The following DACH1 variants were observed in gnomAD, a reference collection of about 807,000 sequenced individuals.
The protein encoded by DACH1 is dachshund homolog 1.
In DACH1, 12 loss-of-function variants were observed where a neutral mutation model predicts 54.2. The ratio of observed to expected loss-of-function variants is 0.22; its 90% CI spans 0.14 to 0.36. DACH1 has a LOEUF of 0.36. DACH1 is among the 10% of genes least tolerant of loss of function. The pLI is 1.00. For synonymous variants in DACH1, 386 were observed against 366.2 expected, an observed-to-expected ratio of 1.05 and a Z score of -0.62; for missense variants, 805 against 929.8, an observed-to-expected ratio of 0.87 and a Z score of 1.75.
Position 71,545,561 on chromosome 13 carries a change from G to A in DACH1, c.1570+11463C>T, listed in dbSNP as rs143729410. ...AGGGAGGGAAGGAGGGAGGGAGAGA[G>A]GGAGGAAAGGAAGGAAGGAAGGGAG... On this transcript the variant is annotated intron_variant, in intron 6 of 10. Coordinates refer to ENST00000613252, the MANE Select transcript of DACH1 (RefSeq NM_080759.6). Among the ~76,000 whole-genome samples, 374 of 150,958 alleles carry A rather than the reference G, an allele frequency of 2.5e-3. 2 individuals are homozygous for A. The highest frequency in any genetic ancestry group is 0.015 in the South Asian group (72 of 4,760).
intron 1 of DACH1, among the ~76,000 whole-genome samples, chr13:71,718,397 C>T (rs1183876005): frequency 6.6e-6 from 1 of 151,832 alleles, no homozygotes; most frequent in Non-Finnish European, 1.5e-5. Flanking sequence ...CCAGTCTGGG[C>T]AACATAGCGA....
chr13:71,737,895 T>A (rs1341890871), intron 1 of DACH1, among the ~76,000 whole-genome samples: 1 of 152,212 alleles, frequency 6.6e-6, no homozygotes, highest in East Asian at 1.9e-4. Context: ...GAAAGCCTGG[T>A]TAGCTGAAAC....
intron 1 of DACH1, among the ~76,000 whole-genome samples, chr13:71,699,108 T>C (rs1374728595): frequency 6.6e-6 from 1 of 152,158 alleles, no homozygotes; most frequent in Non-Finnish European, 1.5e-5. Flanking sequence ...GTAGATTTTA[T>C]TCACAATTAT....
chr13:71,837,321 C>T (rs764363363), intron 1 of DACH1, among the ~76,000 whole-genome samples: 3 of 151,864 alleles, frequency 2.0e-5, no homozygotes, highest in Non-Finnish European at 4.4e-5. Flanking sequence ...TCACCAACTT[C>T]AATGGTAGAT....
At chr13:71,558,620 A>G (rs1294854165) in intron 5 of DACH1, among the ~76,000 whole-genome samples, 1 of 152,030 alleles carries the variant, frequency 6.6e-6, no homozygotes, top group African/African-American at 2.4e-5. Context: ...TCTAGTGTCA[A>G]CATACCATAA....
intron 1 of DACH1, among the ~76,000 whole-genome samples, chr13:71,712,892 A>T (rs1882791121): frequency 6.6e-6 from 1 of 152,112 alleles, no homozygotes; most frequent in Non-Finnish European, 1.5e-5. Flanking sequence ...TATAGCAATG[A>T]CTCTAGCAGT....
At chr13:71,859,418 CAT>C (rs1874213641) in intron 1 of DACH1, among the ~76,000 whole-genome samples, 1 of 151,650 alleles carries the variant, frequency 6.6e-6, no homozygotes, top group African/African-American at 2.4e-5. Flanking sequence ...TGTGATGTGA[CAT>C]ATATTTTTTA....
At chr13:71,654,233 T>C (rs2138631293) in intron 2 of DACH1, among the ~76,000 whole-genome samples, 2 of 150,960 alleles carry the variant, frequency 1.3e-5, no homozygotes, top group East Asian at 2.0e-4. Flanking sequence ...TTACTAAAAA[T>C]ACAAAAATAA....
At chr13:71,449,118 T>G (rs1444995843) in intron 10 of DACH1, among the ~76,000 whole-genome samples, 1 of 152,104 alleles carries the variant, frequency 6.6e-6, no homozygotes, top group Non-Finnish European at 1.5e-5. Flanking sequence ...GGCAGGCAGA[T>G]GGCCCGAGGT....
At chr13:71,551,088 G>T (rs2138357066) in intron 6 of DACH1, among the ~76,000 whole-genome samples, 1 of 151,988 alleles carries the variant, frequency 6.6e-6, no homozygotes, top group East Asian at 1.9e-4. Context: ...TATAGTTGTT[G>T]TATGTAATAT....
intron 1 of DACH1, among the ~76,000 whole-genome samples, chr13:71,821,930 G>A (rs1888204494): frequency 6.6e-6 from 1 of 151,984 alleles, no homozygotes; most frequent in Admixed American, 6.6e-5. Flanking sequence ...GCGTGGCGGT[G>A]TGTGCCTGTA....
chr13:71,530,664 TA>T (rs1288130641), intron 6 of DACH1, among the ~76,000 whole-genome samples: 3 of 152,028 alleles, frequency 2.0e-5, no homozygotes, highest in South Asian at 4.1e-4. Flanking sequence ...AATTCTTTCA[TA>T]AAGGCAAAAG....
intron 6 of DACH1, among the ~76,000 whole-genome samples, chr13:71,552,878 GAGAAAGAGAC>G (rs1367391208): frequency 1.1e-4 from 14 of 128,304 alleles, no homozygotes; most frequent in Non-Finnish European, 1.8e-4. Flanking sequence ...GAGAGAGAGA[GAGAAAGAGAC>G]AGAACTAATA....
At chr13:71,756,024 G>T (rs1267994457) in intron 1 of DACH1, among the ~76,000 whole-genome samples, 2 of 151,656 alleles carry the variant, frequency 1.3e-5, no homozygotes, top group African/African-American at 4.8e-5. Flanking sequence ...GTAAACTAAA[G>T]ACTTTTTTAT....
chr13:71,808,646 T>C (rs1284701014), intron 1 of DACH1, among the ~76,000 whole-genome samples: 1 of 152,210 alleles, frequency 6.6e-6, no homozygotes, highest in Non-Finnish European at 1.5e-5. Flanking sequence ...AAGAAGTTGA[T>C]GTTTTAAAGC....
At chr13:71,861,476 G>T (rs540344763) in intron 1 of DACH1, among the ~76,000 whole-genome samples, 1 of 152,040 alleles carries the variant, frequency 6.6e-6, no homozygotes, top group East Asian at 1.9e-4. Flanking sequence ...TAATTTGACT[G>T]AACAAAGTAA....
At chr13:71,534,336 T>C (rs1882613008) in intron 6 of DACH1, among the ~76,000 whole-genome samples, 2 of 151,934 alleles carry the variant, frequency 1.3e-5, no homozygotes, top group Admixed American at 1.3e-4. Context: ...ACAAAAATAT[T>C]TAAAAAATAG....
chr13:71,657,431 T>C (rs1053946741), intron 2 of DACH1, among the ~76,000 whole-genome samples: 5 of 151,900 alleles, frequency 3.3e-5, no homozygotes, highest in Admixed American at 6.6e-5. Context: ...GGTCAGGAGG[T>C]TGAGGCCACA....
intron 6 of DACH1, among the ~76,000 whole-genome samples, chr13:71,491,111 G>T (rs893787429): frequency 6.6e-6 from 1 of 152,044 alleles, no homozygotes; most frequent in African/African-American, 2.4e-5. Flanking sequence ...GACTACATTT[G>T]GCTGTTGTGT....
Sources: allele counts gnomAD v4.1 joint callset (sites outside exome capture counted in the v4.1 genomes callset), GRCh38; gene constraint gnomAD v4.1.1; transcripts MANE v1.5; gene names NCBI Gene and HGNC (gene_info 2026-07-23, HGNC 2026-07-21).